The following CRISPLD2 variants were observed in gnomAD, a reference collection of about 807,000 sequenced individuals.
CRISPLD2 encodes the protein cysteine rich secretory protein LCCL domain containing 2.
CRISPLD2 carries 47 observed loss-of-function variants against 71.1 expected under a neutral mutation model. That is an observed-to-expected ratio of 0.66 (90% CI 0.52 to 0.84). The LOEUF (loss-of-function observed/expected upper bound fraction) is 0.84. Ranked by LOEUF, CRISPLD2 falls within the 40% of genes least tolerant of loss-of-function variation. CRISPLD2 has a pLI of 0.00. For synonymous variants in CRISPLD2, 317 were observed against 250.1 expected (o/e 1.27, Z -2.52); for missense variants, 830 against 651.1 (o/e 1.27, Z -2.99).
At position 84,877,465 on chromosome 16, in the gene CRISPLD2, T is replaced by A. The variant is rs1239219803; in HGVS notation, c.1184T>A (p.Val395Asp). 1 of 1,613,798 alleles carries A rather than the reference T, an allele frequency of 6.2e-7. No homozygotes were observed. The highest frequency in any genetic ancestry group is 1.3e-5 in the African/African-American group (1 of 74,928). Residue 395 changes from valine to aspartate, a missense_variant, in exon 12 of 15, where the codon GTT (valine) becomes GAT (aspartate). By Grantham distance (152) the Val-to-Asp change is radical. Coordinates refer to ENST00000262424, the MANE Select transcript of CRISPLD2 (RefSeq NM_031476.4). ...KVQDLDCYTT[V>D]AQLCPFEKPA... ...CAGGATTTGGACTGCTACACGACCG[T>A]TGCTCAGCTGTGCCCGTTTGAAAAG...
intron 11 of CRISPLD2, among the ~76,000 whole-genome samples, chr16:84,875,238 C>G (rs1377331216): frequency 6.8e-6 from 1 of 146,338 alleles, no homozygotes; most frequent in East Asian, 2.0e-4. Flanking sequence ...AAGACCCTGT[C>G]TCAAAAAAAT....
Position 84,855,554 on chromosome 16 carries a change from C to T in CRISPLD2, c.709+725C>T, listed in dbSNP as rs377606683. The stretch of plus-strand genomic sequence containing the variant: ...TGGCAGCTGATTAGTTGGTGCCCAC[C>T]CAGATTACGGGTGGGTCTGCCTCTC... On this transcript the variant is annotated intron_variant, in intron 6 of 14. Coordinates refer to ENST00000262424, the MANE Select transcript of CRISPLD2 (RefSeq NM_031476.4). Among the ~76,000 whole-genome samples the T allele has an allele frequency of 1.8e-4, 27 of 152,274 alleles. 1 individual carries two copies. Among genetic ancestry groups the T allele is most frequent in the African/African-American group, 6.5e-4 (27 of 41,568 alleles).
In CRISPLD2 at chr16:84,868,908, A is replaced by G. The variant is rs781141782; in HGVS notation, c.911A>G (p.Asn304Ser). Residue 304 changes from asparagine (N) to serine (S), a missense_variant, in exon 8 of 15, where the codon AAC becomes AGC. Coordinates refer to ENST00000262424, the MANE Select transcript of CRISPLD2 (RefSeq NM_031476.4). The part of the protein sequence containing the change: ...MKDRCKGSTC[N>S]RYQCPAGCLN... ...GACAGGTGCAAAGGGTCCACGTGTA[A>G]CAGGTGAGCCTGTGCTGGGCTGTCC... The G allele has an allele frequency of 2.5e-6, 4 of 1,606,034 alleles. No individual in the cohort carries two copies. Among genetic ancestry groups the G allele is most frequent in the African/African-American group, 2.7e-5 (2 of 74,528 alleles).
chr16:84,834,507 C>T (rs1916568306), intron 1 of CRISPLD2, among the ~76,000 whole-genome samples: 1 of 152,210 alleles, frequency 6.6e-6, no homozygotes, highest in Admixed American at 6.5e-5. Flanking sequence ...GCAGATGGCA[C>T]CAACCAGGTT....
intron 11 of CRISPLD2, among the ~76,000 whole-genome samples, chr16:84,875,255 ATATGTGTG>A (rs896793554): frequency 9.6e-6 from 1 of 104,392 alleles, no homozygotes; most frequent in Non-Finnish European, 1.8e-5. Context: ...AAATATATAC[ATATGTGTG>A]TGTGTGTGTG....
chr16:84,892,975 CAAA>C (rs35939092), intron 14 of CRISPLD2, among the ~76,000 whole-genome samples: 5 of 64,940 alleles, frequency 7.7e-5, no homozygotes, highest in African/African-American at 1.2e-4. Flanking sequence ...GACTCCATCT[CAAA>C]AAAAAAAAAA....
chr16:84,862,954 T>G (rs2143257187), intron 6 of CRISPLD2: 1 of 152,426 alleles, frequency 6.6e-6, no homozygotes, highest in Non-Finnish European at 1.5e-5. Context: ...AGGAGCGATC[T>G]GGACACTAAG....
At chr16:84,835,686 A>G (rs113388594) in intron 1 of CRISPLD2, among the ~76,000 whole-genome samples, 134 of 152,282 alleles carry the variant, frequency 8.8e-4, no homozygotes, top group African/African-American at 3.1e-3. Context: ...TGGAGGTTTC[A>G]CTAAACCCCG....
intron 14 of CRISPLD2, among the ~76,000 whole-genome samples, chr16:84,905,707 CTTTTTTTTT>C (rs36068463): frequency 8.6e-6 from 1 of 116,116 alleles, no homozygotes; most frequent in African/African-American, 3.4e-5. Flanking sequence ...CAATAAAGCT[CTTTTTTTTT>C]TTTTTTTTTG....
intron 11 of CRISPLD2, among the ~76,000 whole-genome samples, chr16:84,877,202 C>G (rs1171377480): frequency 6.6e-6 from 1 of 152,226 alleles, no homozygotes; most frequent in African/African-American, 2.4e-5. Context: ...CACAGAGAAA[C>G]CACTGGGGGT....
chr16:84,865,094 C>G (rs1315718989), intron 6 of CRISPLD2, among the ~76,000 whole-genome samples: 1 of 151,912 alleles, frequency 6.6e-6, no homozygotes, highest in Non-Finnish European at 1.5e-5. Flanking sequence ...GCAAAGAAAG[C>G]TCATGTATTT....
At chr16:84,896,923 G>T (rs2071711311) in intron 14 of CRISPLD2, among the ~76,000 whole-genome samples, 1 of 152,234 alleles carries the variant, frequency 6.6e-6, no homozygotes, top group Non-Finnish European at 1.5e-5. Flanking sequence ...CAGCTTCCCT[G>T]TCTGCCTCTG....
intron 12 of CRISPLD2, among the ~76,000 whole-genome samples, chr16:84,880,218 C>A (rs2071556464): frequency 6.6e-6 from 1 of 152,214 alleles, no homozygotes; most frequent in South Asian, 2.1e-4. Context: ...ATTCCACACT[C>A]TTCTCTCTTA....
chr16:84,893,140 C>T (rs1316919959), intron 14 of CRISPLD2, among the ~76,000 whole-genome samples: 1 of 152,170 alleles, frequency 6.6e-6, no homozygotes, highest in Non-Finnish European at 1.5e-5. Flanking sequence ...ATGTGGCGCC[C>T]GCTGCACTGG....
At chr16:84,820,783 G>T (rs969875218) in intron 1 of CRISPLD2, among the ~76,000 whole-genome samples, 9 of 152,160 alleles carry the variant, frequency 5.9e-5, no homozygotes, top group African/African-American at 1.9e-4. Flanking sequence ...GCAGTCTGGG[G>T]GAACACGTTT....
chr16:84,879,513 C>T (rs1201097345), intron 12 of CRISPLD2, among the ~76,000 whole-genome samples: 1 of 152,210 alleles, frequency 6.6e-6, no homozygotes, highest in Non-Finnish European at 1.5e-5. Flanking sequence ...CGGGCCTGCA[C>T]CACCACGCCT....
At chr16:84,836,826 G>A (rs1916633027) in intron 1 of CRISPLD2, among the ~76,000 whole-genome samples, 1 of 152,170 alleles carries the variant, frequency 6.6e-6, no homozygotes, top group Non-Finnish European at 1.5e-5. Flanking sequence ...GACCAGGGAG[G>A]ACTCATGTGA....
intron 7 of CRISPLD2, 119 bp from the exon 8 acceptor site, chr16:84,868,732 C>G (rs952812590): frequency 2.4e-6 from 2 of 839,776 alleles, no homozygotes; most frequent in Non-Finnish European, 3.9e-6. Flanking sequence ...ATTGCCCTTG[C>G]TCTTAGTATA....
chr16:84,905,313 ACT>A (rs992288096), intron 14 of CRISPLD2, among the ~76,000 whole-genome samples: 9 of 152,078 alleles, frequency 5.9e-5, no homozygotes, highest in African/African-American at 1.9e-4. Context: ...TGACTGCACA[ACT>A]CTATAAAATC....
Sources: allele counts gnomAD v4.1 joint callset (sites outside exome capture counted in the v4.1 genomes callset), GRCh38; gene constraint gnomAD v4.1.1; transcripts MANE v1.5; gene names NCBI Gene and HGNC (gene_info 2026-07-23, HGNC 2026-07-21).